The following GABRQ variants were observed in gnomAD, a reference collection of about 807,000 sequenced individuals.
GABRQ encodes gamma-aminobutyric acid receptor subunit theta.
A neutral mutation model predicts 30.5 loss-of-function variants in GABRQ; 19 were observed. That is an observed-to-expected ratio of 0.62 (90% CI 0.43 to 0.91). GABRQ has a LOEUF of 0.91. GABRQ is among the 40% of genes least tolerant of loss of function. The pLI, the probability that GABRQ is intolerant of heterozygous loss-of-function variation, is 0.00. For missense variants in GABRQ, 520 were observed against 521.4 expected (o/e 1.00, Z 0.03); for synonymous variants, 187 against 210.2 (o/e 0.89, Z 0.95).
At chrX:152,640,488 G>C (rs1556818241) in intron 2 of GABRQ, 22 bp downstream of exon 2, 10 of 982,730 alleles carry the variant, frequency 1.0e-5, no homozygotes, top group Non-Finnish European at 1.5e-5. Flanking sequence ...CCAGACACTA[G>C]AGAACTTGGG....
At chrX:152,639,278 AG>A (rs36127418) in intron 1 of GABRQ, among the ~76,000 whole-genome samples, 10,737 of 72,267 alleles carry the variant, frequency 0.15, 938 homozygotes, top group African/African-American at 0.34. Flanking sequence ...GTACTCATAA[AG>A]GGGGGGGGGG....
In GABRQ at chrX:152,653,252, A is replaced by T; in HGVS notation, c.1870A>T (p.Ile624Phe). The change falls in exon 9 of 9, where the codon ATT becomes TTT. Residue 624 changes from isoleucine (I) to phenylalanine (F), a missense_variant. By Grantham distance (21) the Ile-to-Phe change is conservative. Transcript: ENST00000598523. ...LFPLAFGLFN[I>F]VYWVYHMY ...CCCTCTGGCCTTTGGGTTGTTCAAC[A>T]TTGTTTACTGGGTATACCATATGTA... is the stretch of plus-strand genomic sequence containing the variant. The T allele has an allele frequency of 8.3e-7, 1 of 1,205,002 alleles. No individual in the cohort carries two copies. The highest frequency in any genetic ancestry group is 3.0e-5 in the East Asian group (1 of 33,825).
At position 152,645,482 on chromosome X, in the gene GABRQ, A is replaced by G. The variant is rs781889580; in HGVS notation, c.239-45A>G. On this transcript the variant is annotated intron_variant, in intron 2 of 8. Coordinates refer to ENST00000598523, the MANE Select transcript of GABRQ (RefSeq NM_018558.4). ...CCTGGCTCCCAAGTTTATGCTCTTA[A>G]CCTTTATTCTACCTTTCGTGTAACT... The G allele has an allele frequency of 4.9e-6, 4 of 824,702 alleles. No homozygotes were observed. In the Admixed American group the frequency reaches 6.6e-5, roughly 14 times the overall value. 68.0% of individuals were successfully genotyped at this position (824,702 alleles called of 1,213,427 possible).
chrX:152,638,400 G>A (rs1556817769), intron 1 of GABRQ, 49 bp downstream of exon 1: 1 of 1,149,957 alleles, frequency 8.7e-7, no homozygotes, highest in Non-Finnish European at 1.2e-6. Flanking sequence ...GAATGGAGAC[G>A]GGCAGACGAC....
At position 152,638,150 on chromosome X, in the gene GABRQ, TC is replaced by T; in HGVS notation, c.-51del. 1 of 1,152,794 alleles carries T rather than the reference TC, an allele frequency of 8.7e-7. No individual in the cohort carries two copies. The highest frequency in any genetic ancestry group is 1.2e-6 in the Non-Finnish European group (1 of 852,300). ...ACCCACTCTCCCACCCCACCTCTGT[TC>T]CTTTTCGCGGCCCCGTCTCCCGCGC... On this transcript the variant is annotated 5_prime_UTR_variant, in exon 1 of 9. Coordinates refer to ENST00000598523, the MANE Select transcript of GABRQ (RefSeq NM_018558.4).
chrX:152,638,477 CT>C, intron 1 of GABRQ, 126 bp downstream of exon 1: 1 of 667,857 alleles, frequency 1.5e-6, no homozygotes, highest in Non-Finnish European at 2.3e-6. Context: ...CCCGGGCTCG[CT>C]GAGCCCTGGC....
chrX:152,640,413 T>C lies in GABRQ; in HGVS notation c.185T>C (p.Ile62Thr), dbSNP rs201187854. Residue 62 changes from isoleucine to threonine, a missense_variant, in exon 2 of 9, where the codon ATT becomes ACT. Physicochemically the swap from Ile to Thr is moderately conservative, Grantham distance 89. Transcript: ENST00000598523. Reference protein sequence around the residue: ...NCANEAVVQKILDRVLSRYDV... With the variant: ...NCANEAVVQKTLDRVLSRYDV... ...GCAAATGAAGCTGTGGTTCAAAAGA[T>C]TTTGGACAGGGTGCTGTCAAGATAC... is the stretch of plus-strand genomic sequence containing the variant. The C allele has an allele frequency of 1.1e-4, 136 of 1,203,324 alleles. No homozygotes were observed. The highest frequency in any genetic ancestry group is 1.2e-5 in the Non-Finnish European group (11 of 889,030).
chrX:152,649,607 G>T, intron 5 of GABRQ, 135 bp from the exon 6 acceptor site: 1 of 508,760 alleles, frequency 2.0e-6, no homozygotes, highest in East Asian at 3.4e-5. Flanking sequence ...GAGCATAAAC[G>T]GTCCTCTGGG....
chrX:152,654,585 G>A lies in GABRQ; in HGVS notation c.*1304G>A, dbSNP rs1931110616. ...CCCCACCACATCCTCTAGCACCTGG[G>A]GCATCTCTGCAGGAATAGGCTGGTG... On this transcript the variant is annotated 3_prime_UTR_variant, in exon 9 of 9. Coordinates refer to ENST00000598523, the MANE Select transcript of GABRQ (RefSeq NM_018558.4). The A allele has an allele frequency of 1.8e-5, 2 of 111,796 alleles. No homozygotes were observed. The highest frequency in any genetic ancestry group is 1.9e-4 in the Admixed American group (2 of 10,609). The allele number at this position is 111,796 out of a possible 1,213,427, so 9.2% of individuals were successfully genotyped here.
chrX:152,646,659 A>G (rs1450418433), intron 3 of GABRQ, among the ~76,000 whole-genome samples: 2 of 112,284 alleles, frequency 1.8e-5, no homozygotes, highest in African/African-American at 6.5e-5. Flanking sequence ...AAAAACTCGG[A>G]TAATGGTTAC....
rs782354506 is a variant in GABRQ, at chrX:152,638,387, C to A, written c.149+36C>A. The A allele has an allele frequency of 3.4e-6, 4 of 1,186,180 alleles. No homozygotes were observed. In the Admixed American group the frequency reaches 6.5e-5, roughly 19 times the overall value. Reference sequence around the variant, plus strand: ...ACCGCCAGGCTAGGCACGGCGGGGACGGGAATGGAGACGGGCAGACGACCT... The same window carrying A: ...ACCGCCAGGCTAGGCACGGCGGGGAAGGGAATGGAGACGGGCAGACGACCT... On this transcript the variant is annotated intron_variant, in intron 1 of 8. Transcript: ENST00000598523.
chrX:152,650,698 G>A, intron 7 of GABRQ, 118 bp downstream of exon 7: 1 of 548,605 alleles, frequency 1.8e-6, no homozygotes, highest in East Asian at 3.3e-5. Context: ...AAGGAAATAA[G>A]GATTTTTCCA....
At chrX:152,652,334 A>G (rs1931042635) in intron 8 of GABRQ, among the ~76,000 whole-genome samples, 1 of 112,845 alleles carries the variant, frequency 8.9e-6, no homozygotes, top group South Asian at 3.6e-4. Context: ...CAGCCTCCAT[A>G]GCCTTCCCTT....
chrX:152,643,313 C>T (rs909777666), intron 2 of GABRQ, among the ~76,000 whole-genome samples: 9 of 112,621 alleles, frequency 8.0e-5, no homozygotes, highest in African/African-American at 2.9e-4. Context: ...ATTTACTTCA[C>T]GGCTGCCATT....
rs782613331 is a variant in GABRQ, at chrX:152,649,926, C to T, written c.748+47C>T. 21 of 1,045,626 alleles carry T rather than the reference C, an allele frequency of 2.0e-5. No homozygotes were observed. In the South Asian group the frequency reaches 4.1e-4, roughly 21 times the overall value. 86.2% of individuals were successfully genotyped at this position (1,045,626 alleles called of 1,213,427 possible). On this transcript the variant is annotated intron_variant, in intron 6 of 8. Transcript: ENST00000598523. Reference sequence around the variant, plus strand: ...TCTCCTGTCTCATGTCTGCCTTGCACCTCCATAAACTCCTAGCGGCCTCTG... The same window carrying T: ...TCTCCTGTCTCATGTCTGCCTTGCATCTCCATAAACTCCTAGCGGCCTCTG...
chrX:152,651,762 G>A lies in GABRQ; in HGVS notation c.1138G>A (p.Val380Met). The A allele has an allele frequency of 8.3e-7, 1 of 1,211,046 alleles. No individual in the cohort carries two copies. The highest frequency in any genetic ancestry group is 1.1e-6 in the Non-Finnish European group (1 of 894,740). The change falls in exon 8 of 9, where the codon GTG becomes ATG. Residue 380 changes from valine (V) to methionine (M), a missense_variant. Coordinates refer to ENST00000598523, the MANE Select transcript of GABRQ (RefSeq NM_018558.4). ...RVIARYRYQQ[V>M]VVGNVQDGLI... Reference sequence around the variant, plus strand: ...CATTGCCCGCTACCGCTACCAGCAAGTGGTGGTAGGAAACGTGCAGGTTTG... The same window carrying A: ...CATTGCCCGCTACCGCTACCAGCAAATGGTGGTAGGAAACGTGCAGGTTTG...
chrX:152,646,671 G>C (rs781819963), intron 3 of GABRQ, among the ~76,000 whole-genome samples: 1 of 112,180 alleles, frequency 8.9e-6, no homozygotes, highest in South Asian at 3.7e-4. Context: ...AATGGTTACT[G>C]CTGGGGGTGT....
At position 152,652,707 on chromosome X, in the gene GABRQ, C is replaced by A; in HGVS notation, c.1325C>A (p.Ala442Asp). 2 of 1,207,334 alleles carry A rather than the reference C, an allele frequency of 1.7e-6. No individual in the cohort carries two copies. The highest frequency in any genetic ancestry group is 2.2e-6 in the Non-Finnish European group (2 of 891,130). Residue 442 changes from alanine (A) to aspartate (D), a missense_variant, in exon 9 of 9, where the codon GCC becomes GAC. Transcript: ENST00000598523. Reference protein sequence around the residue: ...LSPLTSLSGQAPLATGESLSD... With the variant: ...LSPLTSLSGQDPLATGESLSD... The stretch of plus-strand genomic sequence containing the variant: ...CCACTCACTTCTCTCTCAGGCCAGG[C>A]CCCCCTGGCCACTGGAGAAAGCCTG...
At chrX:152,648,190 T>C (rs1930933501) in intron 4 of GABRQ, among the ~76,000 whole-genome samples, 1 of 110,711 alleles carries the variant, frequency 9.0e-6, no homozygotes, top group African/African-American at 3.3e-5. Flanking sequence ...AAGGAAGCAA[T>C]TGAAAGGGAC....
Sources: gnomAD v4.1 joint callset for allele counts (sites outside exome capture counted in the v4.1 genomes callset) on GRCh38, gnomAD v4.1.1 for gene constraint, MANE v1.5 for transcripts, NCBI Gene and HGNC (gene_info 2026-07-23, HGNC 2026-07-21) for gene names.